The following NCOA2 variants were observed in gnomAD, a reference collection of about 807,000 sequenced individuals.
NCOA2 encodes the protein nuclear receptor coactivator 2.
A neutral mutation model predicts 145.1 loss-of-function variants in NCOA2; 21 were observed. The observed-to-expected ratio is 0.14, with a 90% CI of 0.10 to 0.21. The LOEUF is 0.21. NCOA2 is among the 10% of genes least tolerant of loss of function. The pLI is 1.00. For synonymous variants in NCOA2, 619 were observed against 637.5 expected (o/e 0.97, Z 0.44); for missense variants, 1,472 against 1,837.6 (o/e 0.80, Z 3.64).
At chr8:70,317,480 T>C (rs1805689030) in intron 1 of NCOA2, among the ~76,000 whole-genome samples, 1 of 152,184 alleles carries the variant, frequency 6.6e-6, no homozygotes, top group Non-Finnish European at 1.5e-5. Context: ...TACCTCAGAT[T>C]TGAGAGATCC....
intron 1 of NCOA2, among the ~76,000 whole-genome samples, chr8:70,361,749 T>C (rs1008139962): frequency 3.9e-5 from 6 of 152,216 alleles, no homozygotes; most frequent in Non-Finnish European, 5.9e-5. Flanking sequence ...CATTTCTAAA[T>C]GTCCAAAATG....
rs779918840 is a variant in NCOA2 at position 70,400,839 on chromosome 8, G to C, written c.-77+2861C>G. Reference sequence around the variant, plus strand: ...GTTCCCTAGAACTGCAGTCCCCTTCGATTCTTTCTTAGCAACCCAAGATTA... The same window carrying C: ...GTTCCCTAGAACTGCAGTCCCCTTCCATTCTTTCTTAGCAACCCAAGATTA... On this transcript the variant is annotated intron_variant, in intron 1 of 22. Transcript: ENST00000452400. 6.6e-5 allele frequency among the ~76,000 whole-genome samples: 10 copies of C among 152,160 alleles called. No homozygotes were observed. The East Asian group carries it at 1.7e-3, about 26-fold the overall frequency.
At chr8:70,312,267 A>G (rs567145897) in intron 1 of NCOA2, among the ~76,000 whole-genome samples, 1 of 152,192 alleles carries the variant, frequency 6.6e-6, no homozygotes, top group African/African-American at 2.4e-5. Context: ...AAATTCCCTA[A>G]AACAGTACAA....
At chr8:70,352,058 G>A (rs1332504701) in intron 1 of NCOA2, among the ~76,000 whole-genome samples, 1 of 151,636 alleles carries the variant, frequency 6.6e-6, no homozygotes, top group African/African-American at 2.4e-5. Flanking sequence ...TTCTACCCAT[G>A]CATGTGATTT....
At chr8:70,203,288 A>C (rs1818109388) in intron 4 of NCOA2, among the ~76,000 whole-genome samples, 1 of 143,968 alleles carries the variant, frequency 6.9e-6, no homozygotes, top group South Asian at 2.2e-4. Flanking sequence ...AAGAAAGAGG[A>C]AATAGTTGCA....
intron 4 of NCOA2, among the ~76,000 whole-genome samples, chr8:70,181,152 A>C (rs1815430787): frequency 6.6e-6 from 1 of 152,198 alleles, no homozygotes; most frequent in Admixed American, 6.5e-5. Context: ...GCATTACCAG[A>C]ACAGAGTTCT....
chr8:70,285,453 T>C (rs1477152263), intron 2 of NCOA2, among the ~76,000 whole-genome samples: 2 of 152,248 alleles, frequency 1.3e-5, no homozygotes, highest in Non-Finnish European at 2.9e-5. Context: ...GTGTTTCATT[T>C]CTAACTACTC....
the NCOA2 span, among the ~76,000 whole-genome samples, chr8:70,421,772 A>T: frequency 6.6e-6 from 1 of 151,714 alleles, no homozygotes; most frequent in East Asian, 1.9e-4. Context: ...AAAAAAAAAA[A>T]GTAAATGTAG....
At chr8:70,442,312 T>A in the NCOA2 span, among the ~76,000 whole-genome samples, 1 of 152,144 alleles carries the variant, frequency 6.6e-6, no homozygotes, top group Non-Finnish European at 1.5e-5. Flanking sequence ...AGAAGTAAAC[T>A]TTTAGGGCTG....
chr8:70,130,579 AT>A (rs1248926722), intron 16 of NCOA2, among the ~76,000 whole-genome samples: 17 of 152,176 alleles, frequency 1.1e-4, no homozygotes, highest in Non-Finnish European at 2.1e-4. Flanking sequence ...ACCTCAAGTC[AT>A]TTCTTTCCAT....
At chr8:70,384,970 G>A (rs770750844) in intron 1 of NCOA2, among the ~76,000 whole-genome samples, 15 of 152,170 alleles carry the variant, frequency 9.9e-5, no homozygotes, top group Non-Finnish European at 2.1e-4. Flanking sequence ...TAGAAACACA[G>A]TTACTCTAAA....
chr8:70,216,901 C>A, intron 2 of NCOA2, 137 bp from the exon 3 acceptor site: 6 of 577,634 alleles, frequency 1.0e-5, no homozygotes, highest in South Asian at 4.7e-5. Context: ...GTTTTATGTG[C>A]ATGTATAATT....
rs779379781 is a variant in NCOA2 at position 70,128,935 on chromosome 8, T to C, written c.3370A>G (p.Ile1124Val). ...ACGGGCGCCTTCTGCTCCAGCATGA[T>C]GTTGGAATCCTGACTTGAGAACTGT... ...PEQFSSQDSN[I>V]MLEQKAPVFP... The change falls in exon 17 of 23, where the codon ATC becomes GTC. Residue 1124 changes from isoleucine to valine, a missense_variant. By Grantham distance (29) the Ile-to-Val change is conservative. Coordinates refer to ENST00000452400, the MANE Select transcript of NCOA2 (RefSeq NM_006540.4). 5 of 1,610,668 alleles carry C rather than the reference T, an allele frequency of 3.1e-6. No individual in the cohort carries two copies. Among genetic ancestry groups the C allele is most frequent in the African/African-American group, 1.3e-5 (1 of 75,014 alleles).
chr8:70,195,968 T>C (rs1470458167), intron 4 of NCOA2, among the ~76,000 whole-genome samples: 1 of 152,192 alleles, frequency 6.6e-6, no homozygotes, highest in African/African-American at 2.4e-5. Context: ...AACCCCATAT[T>C]TTATGTTCCT....
Position 70,127,631 on chromosome 8 carries a change from G to A in NCOA2, c.3682-584C>T, listed in dbSNP as rs114638832. Among the ~76,000 whole-genome samples, 589 of 152,258 alleles carry A rather than the reference G, an allele frequency of 3.9e-3. 5 individuals are homozygous for A. Among genetic ancestry groups the A allele is most frequent in the African/African-American group, 0.013 (550 of 41,548 alleles). On this transcript the variant is annotated intron_variant, in intron 18 of 22. Transcript: ENST00000452400. ...TGCTTGCTGTCAGTGAGAGGCATGAGGCTGCTAAGATATCGTTGATCCTCA... is the reference window on the plus strand; with the variant it reads ...TGCTTGCTGTCAGTGAGAGGCATGAAGCTGCTAAGATATCGTTGATCCTCA...
Position 70,156,046 on chromosome 8 carries a change from T to C in NCOA2, c.2319A>G (p.Thr773=), listed in dbSNP as rs1812251760. ...TTAATTTTGTGTTACTGGCAGGATC[T>C]GTCTTACTGTCCAGTCTCTCAAGTT... ...TPKLERLDSK[T]DPASNTKLIA... The change falls in exon 11 of 23, where the codon ACA becomes ACG. Residue 773 remains threonine (T), a synonymous_variant. Transcript: ENST00000452400. 6.2e-7 allele frequency: 1 copy of C among 1,611,466 alleles called. No homozygotes were observed.
intron 2 of NCOA2, among the ~76,000 whole-genome samples, chr8:70,295,999 T>G (rs1827060995): frequency 6.6e-6 from 1 of 152,212 alleles, no homozygotes; most frequent in Non-Finnish European, 1.5e-5. Flanking sequence ...ATTTACAAAG[T>G]TCAGTGTCTC....
At chr8:70,245,150 G>A (rs1357853408) in intron 2 of NCOA2, 1 of 152,046 alleles carries the variant, frequency 6.6e-6, no homozygotes, top group Non-Finnish European at 1.5e-5. Context: ...TTGCCTCAGA[G>A]ATAAATCTCC....
At chr8:70,254,527 T>C (rs1823472280) in intron 2 of NCOA2, among the ~76,000 whole-genome samples, 1 of 152,168 alleles carries the variant, frequency 6.6e-6, no homozygotes, top group South Asian at 2.1e-4. Flanking sequence ...TATTCAGCCA[T>C]GAAAAAGAAA....
Sources: gnomAD v4.1 joint callset for allele counts (sites outside exome capture counted in the v4.1 genomes callset) on GRCh38, gnomAD v4.1.1 for gene constraint, MANE v1.5 for transcripts, NCBI Gene and HGNC (gene_info 2026-07-23, HGNC 2026-07-21) for gene names.